Variants in LGR5 observed in about 807,000 individuals in gnomAD.
LGR5 encodes leucine rich repeat containing G protein-coupled receptor 5.
A neutral mutation model predicts 76.7 loss-of-function variants in LGR5; 54 were observed. The ratio of observed to expected loss-of-function variants is 0.70; its 90% confidence interval spans 0.57 to 0.88. The LOEUF is 0.88. LGR5 is among the 40% of genes least tolerant of loss of function. The probability of loss-of-function intolerance (pLI) is 0.00; values close to 1 mark genes in which losing one functional copy is unlikely to be tolerated. For missense variants in LGR5, 1,078 were observed against 1,073.3 expected, an observed-to-expected ratio of 1.00 and a Z score of -0.06; for synonymous variants, 406 against 421.9, an observed-to-expected ratio of 0.96 and a Z score of 0.46.
chr12:71,580,833 A>T (rs1879061316), intron 16 of LGR5, among the ~76,000 whole-genome samples: 1 of 152,146 alleles, frequency 6.6e-6, no homozygotes, highest in South Asian at 2.1e-4. Flanking sequence ...ATTATCAAAC[A>T]GATTATCTGA....
At chr12:71,576,956 C>T (rs901174827) in intron 13 of LGR5, among the ~76,000 whole-genome samples, 2 of 152,122 alleles carry the variant, frequency 1.3e-5, no homozygotes, top group African/African-American at 4.8e-5. Flanking sequence ...TTGTTAGCTG[C>T]AATTTTCTTC....
chr12:71,476,164 C>G (rs1873326765), intron 1 of LGR5, among the ~76,000 whole-genome samples: 2 of 152,112 alleles, frequency 1.3e-5, no homozygotes, highest in African/African-American at 4.8e-5. Context: ...GCTGGAACAC[C>G]AACCACTTCG....
At position 71,533,075 on chromosome 12, in the gene LGR5, A is replaced by G. The variant is rs187721728; in HGVS notation, c.357-2040A>G. On this transcript the variant is annotated intron_variant, in intron 3 of 17. Transcript: ENST00000266674. Reference sequence around the variant, plus strand: ...ACATAGGCTGGGCGTGGCGGCTCACACCTGGGATTACAGAATCCCAGAACT... The same window carrying G: ...ACATAGGCTGGGCGTGGCGGCTCACGCCTGGGATTACAGAATCCCAGAACT... Among the ~76,000 whole-genome samples, 204 of 152,186 alleles carry G rather than the reference A, an allele frequency of 1.3e-3. 1 individual carries two copies. Among genetic ancestry groups the G allele is most frequent in the African/African-American group, 4.8e-3 (199 of 41,528 alleles).
chr12:71,451,350 A>AG (rs1261929539), intron 1 of LGR5, among the ~76,000 whole-genome samples: 39 of 152,318 alleles, frequency 2.6e-4, no homozygotes, highest in Admixed American at 7.8e-4. Context: ...AGGAACTTTT[A>AG]GGCCAAACTT....
At chr12:71,554,931 T>A (rs531890593) in intron 5 of LGR5, among the ~76,000 whole-genome samples, 10 of 152,256 alleles carry the variant, frequency 6.6e-5, no homozygotes, top group African/African-American at 2.2e-4. Flanking sequence ...GAGGAAGGCT[T>A]CTTCTCACTA....
At chr12:71,461,615 A>G (rs889746538) in intron 1 of LGR5, among the ~76,000 whole-genome samples, 3 of 152,150 alleles carry the variant, frequency 2.0e-5, no homozygotes, top group South Asian at 2.1e-4. Flanking sequence ...GTGCTCTTCA[A>G]TTTCCTCAAA....
At position 71,582,951 on chromosome 12, in the gene LGR5, A is replaced by T. The variant is rs2137482914; in HGVS notation, c.1636+412A>T. The stretch of plus-strand genomic sequence containing the variant: ...TAGTTTGTACAGATAAGAGGAAGGA[A>T]GGAAGGAAGGAAGAAAGGAAGGAAG... On this transcript the variant is annotated intron_variant, in intron 17 of 17. Coordinates refer to ENST00000266674, the MANE Select transcript of LGR5 (RefSeq NM_003667.4). 2.1e-5 allele frequency among the ~76,000 whole-genome samples: 3 copies of T among 143,688 alleles called. No homozygotes were observed. The Middle Eastern group carries it at 0.011, about 506-fold the overall frequency. The allele number at this position is 143,688 out of a possible 152,430, so 94.3% of individuals were successfully genotyped here. A position where few individuals can be genotyped will look rare whatever the true frequency, so the allele number is the denominator to read the frequency against.
chr12:71,508,663 A>G (rs1193932706), intron 2 of LGR5, among the ~76,000 whole-genome samples: 2 of 148,268 alleles, frequency 1.3e-5, no homozygotes, highest in African/African-American at 5.0e-5. Context: ...CTGAGGCAGT[A>G]GAATCGCTTG....
Position 71,564,681 on chromosome 12 carries a change from CATATATACATATATGT to C in LGR5, c.858-1721_858-1706del, listed in dbSNP as rs1565761315. ...TATATGTACACACACTGTATATATA[CATATATACATATATGT>C]ACACACACTGTATATATACATATAT... On this transcript the variant is annotated intron_variant, in intron 8 of 17. Transcript: ENST00000266674. Among the ~76,000 whole-genome samples the C allele has an allele frequency of 2.7e-4, 38 of 141,084 alleles. 2 individuals carry two copies. In the Middle Eastern group the frequency reaches 0.019, roughly 70 times the overall value. 92.6% of individuals were successfully genotyped at this position (141,084 alleles called of 152,430 possible).
intron 2 of LGR5, among the ~76,000 whole-genome samples, chr12:71,516,445 C>T (rs138298961): frequency 0.013 from 2,018 of 152,188 alleles, 17 homozygotes; most frequent in Middle Eastern, 0.034. Flanking sequence ...CCCTGTCGGA[C>T]CATGGTTTCC....
chr12:71,524,842 G>A (rs146372178), intron 3 of LGR5, among the ~76,000 whole-genome samples: 3,516 of 152,200 alleles, frequency 0.023, 62 homozygotes, highest in Admixed American at 0.047. Context: ...CTGACATAAT[G>A]AGACCACAGC....
chr12:71,475,338 A>G (rs945131907), intron 1 of LGR5, among the ~76,000 whole-genome samples: 2 of 152,190 alleles, frequency 1.3e-5, no homozygotes, highest in African/African-American at 4.8e-5. Context: ...AAACAAAAGA[A>G]AAAGAACTGC....
chr12:71,439,839 G>A lies in LGR5; in HGVS notation c.-242G>A. ...GCCGCGAGCAGCAGCAAGGCGCACC[G>A]CCACTGTCGCCGCTGCAGCCAGGGC... On this transcript the variant is annotated 5_prime_UTR_variant, in exon 1 of 18. Transcript: ENST00000266674. The A allele has an allele frequency of 2.0e-6, 1 of 491,408 alleles. No homozygotes were observed. Among genetic ancestry groups the A allele is most frequent in the Non-Finnish European group, 3.6e-6 (1 of 280,842 alleles). The allele number at this position is 491,408 out of a possible 1,614,324, so 30.4% of individuals were successfully genotyped here. A position where few individuals can be genotyped will look rare whatever the true frequency, so the allele number is the denominator to read the frequency against.
chr12:71,472,832 T>G (rs1363484967), intron 1 of LGR5, among the ~76,000 whole-genome samples: 2 of 152,196 alleles, frequency 1.3e-5, no homozygotes, highest in Non-Finnish European at 1.5e-5. Context: ...CTCTAGTCAG[T>G]AGCAAAATAT....
intron 4 of LGR5, among the ~76,000 whole-genome samples, chr12:71,540,640 G>A (rs1163612737): frequency 6.6e-6 from 1 of 152,148 alleles, no homozygotes; most frequent in African/African-American, 2.4e-5. Context: ...GAAAATAAGT[G>A]AGAGGAATGG....
intron 7 of LGR5, among the ~76,000 whole-genome samples, chr12:71,560,897 A>G (rs927533990): frequency 1.3e-5 from 2 of 152,152 alleles, no homozygotes; most frequent in African/African-American, 4.8e-5. Flanking sequence ...TAATTCTAAA[A>G]CCCCACAATT....
At chr12:71,518,368 G>A (rs759886673) in intron 2 of LGR5, among the ~76,000 whole-genome samples, 5 of 152,190 alleles carry the variant, frequency 3.3e-5, no homozygotes, top group Non-Finnish European at 5.9e-5. Flanking sequence ...TGGCAAGATC[G>A]TGGAGAAAAA....
At chr12:71,550,000 G>A (rs748320485) in intron 4 of LGR5, among the ~76,000 whole-genome samples, 11 of 152,212 alleles carry the variant, frequency 7.2e-5, no homozygotes, top group South Asian at 2.1e-4. Flanking sequence ...CTATATTAAC[G>A]TTGGGAACTG....
rs776486573 is a variant in LGR5 at position 71,502,193 on chromosome 12, C to CTTTT, written c.213-2403_213-2400dup. Among the ~76,000 whole-genome samples the CTTTT allele has an allele frequency of 1.5e-4, 18 of 123,158 alleles. 1 individual carries two copies. Among genetic ancestry groups the CTTTT allele is most frequent in the East Asian group, 2.2e-4 (1 of 4,470 alleles). 80.8% of individuals were successfully genotyped at this position (123,158 alleles called of 152,430 possible). On this transcript the variant is annotated intron_variant, in intron 1 of 17. Coordinates refer to ENST00000266674, the MANE Select transcript of LGR5 (RefSeq NM_003667.4). ...CCTGTTGGAAAAGATAGGTACTTTC[C>CTTTT]TTTTTTTTTTTTTTTTTTTTTGAGA... is the stretch of plus-strand genomic sequence containing the variant.
Sources: allele counts gnomAD v4.1 joint callset (sites outside exome capture counted in the v4.1 genomes callset), GRCh38; gene constraint gnomAD v4.1.1; transcripts MANE v1.5; gene names NCBI Gene and HGNC (gene_info 2026-07-23, HGNC 2026-07-21).